Variants in LMCD1 observed in about 807,000 individuals in gnomAD.
LMCD1 encodes the protein LIM and cysteine rich domains 1.
LMCD1 carries 32 observed loss-of-function variants against 42.7 expected under a neutral mutation model. The ratio of observed to expected loss-of-function variants is 0.75; its 90% CI spans 0.57 to 1.01. The LOEUF (loss-of-function observed/expected upper bound fraction) is 1.01. LMCD1 is among the 50% of genes least tolerant of loss of function. The pLI is 0.00. For synonymous variants in LMCD1, 178 were observed against 184.9 expected (o/e 0.96, Z 0.30); for missense variants, 458 against 483.1 (o/e 0.95, Z 0.49).
chr3:8,561,390 T>C (rs1334855273), intron 4 of LMCD1, among the ~76,000 whole-genome samples: 1 of 152,116 alleles, frequency 6.6e-6, no homozygotes, highest in African/African-American at 2.4e-5. Context: ...AGTTTTTTTT[T>C]TTTTTTTTCC....
At chr3:8,516,736 T>C (rs1159064887) in intron 1 of LMCD1, among the ~76,000 whole-genome samples, 1 of 152,226 alleles carries the variant, frequency 6.6e-6, no homozygotes, top group Non-Finnish European at 1.5e-5. Flanking sequence ...TTGGTTGATA[T>C]TTTTAAAATC....
At chr3:8,526,124 A>G (rs907090951) in intron 1 of LMCD1, among the ~76,000 whole-genome samples, 4 of 152,162 alleles carry the variant, frequency 2.6e-5, no homozygotes, top group African/African-American at 7.2e-5. Context: ...TACTTAATTT[A>G]AGGAGCACTC....
chr3:8,566,996 C>G (rs1222387361), intron 5 of LMCD1, among the ~76,000 whole-genome samples: 1 of 152,228 alleles, frequency 6.6e-6, no homozygotes, highest in Non-Finnish European at 1.5e-5. Flanking sequence ...TCTGCACTTC[C>G]TGAGCCTCAG....
intron 4 of LMCD1, among the ~76,000 whole-genome samples, chr3:8,551,530 G>A (rs549324837): frequency 5.8e-4 from 89 of 152,316 alleles, no homozygotes; most frequent in African/African-American, 2.1e-3. Flanking sequence ...GGCAGAACCT[G>A]GATCCAATAC....
rs866466800 is a variant in LMCD1 at position 8,502,346 on chromosome 3, A to T, written c.42+366A>T. Reference sequence around the variant, plus strand: ...TTATATATAATATATATTATATATAAAATATATAATATATATTATATAAAA... The same window carrying T: ...TTATATATAATATATATTATATATATAATATATAATATATATTATATAAAA... On this transcript the variant is annotated intron_variant, in intron 1 of 5. Coordinates refer to ENST00000157600, the MANE Select transcript of LMCD1 (RefSeq NM_014583.4). Among the ~76,000 whole-genome samples, 285 of 74,960 alleles carry T rather than the reference A, an allele frequency of 3.8e-3. 16 individuals are homozygous for T. Among genetic ancestry groups the T allele is most frequent in the African/African-American group, 0.016 (268 of 17,208 alleles). 49.2% of individuals were successfully genotyped at this position (74,960 alleles called of 152,430 possible).
At chr3:8,540,998 T>C (rs1694615686) in intron 3 of LMCD1, among the ~76,000 whole-genome samples, 1 of 152,172 alleles carries the variant, frequency 6.6e-6, no homozygotes, top group African/African-American at 2.4e-5. Flanking sequence ...GTCACCACTA[T>C]GGACTGGGGT....
rs749336186 is a variant in LMCD1, at chr3:8,537,449, G to T, written c.387+9G>T. On this transcript the variant is annotated intron_variant, in intron 3 of 5. Transcript: ENST00000157600. ...GAGTCACCCAGAAACTGGTAAGAGAGCTTCCCCAACCAAGCAGTTGTTTTC... is the reference window on the plus strand; with the variant it reads ...GAGTCACCCAGAAACTGGTAAGAGATCTTCCCCAACCAAGCAGTTGTTTTC... 6.4e-7 allele frequency: 1 copy of T among 1,553,924 alleles called. No individual in the cohort carries two copies. Among genetic ancestry groups the T allele is most frequent in the South Asian group, 1.2e-5 (1 of 81,268 alleles).
rs1253900738 is a variant in LMCD1 at position 8,571,852 on chromosome 3, T to C, written c.*4254T>C. ...GAGAACAAAGAGCTATTAGAGGGTG[T>C]TGCTGACACAATGCTTTATCACTCT... On this transcript the variant is annotated 3_prime_UTR_variant, in exon 6 of 6. Transcript: ENST00000157600. 1 of 152,266 alleles carries C rather than the reference T, an allele frequency of 6.6e-6. No homozygotes were observed. The highest frequency in any genetic ancestry group is 6.5e-5 in the Admixed American group (1 of 15,286). 9.4% of individuals were successfully genotyped at this position (152,266 alleles called of 1,614,324 possible).
chr3:8,521,845 C>T (rs777893868), intron 1 of LMCD1, among the ~76,000 whole-genome samples: 10 of 152,092 alleles, frequency 6.6e-5, no homozygotes, highest in South Asian at 2.1e-4. Flanking sequence ...TGATTGCAAT[C>T]ATAGATTCTT....
chr3:8,544,640 A>G (rs2125029570), intron 3 of LMCD1, among the ~76,000 whole-genome samples: 1 of 152,254 alleles, frequency 6.6e-6, no homozygotes, highest in East Asian at 1.9e-4. Flanking sequence ...CAACAACCCT[A>G]GCTTCCTCAC....
chr3:8,529,520 T>C (rs969427912), intron 1 of LMCD1, among the ~76,000 whole-genome samples: 5 of 152,158 alleles, frequency 3.3e-5, no homozygotes, highest in African/African-American at 2.4e-5. Context: ...TTTGTGCTTG[T>C]TGAGATTTTA....
intron 1 of LMCD1, among the ~76,000 whole-genome samples, chr3:8,531,236 C>G (rs1380535617): frequency 6.6e-6 from 1 of 152,200 alleles, no homozygotes; most frequent in Non-Finnish European, 1.5e-5. Context: ...GCATACCCTA[C>G]TCATCATGCC....
rs1695177261 is a variant in LMCD1, at chr3:8,569,281, T to A, written c.*1683T>A. ...AAGCCCTTCCCTTTGCTTTTGCTAG[T>A]TGAAGACTGGCTACCTGAAGACCAA... On this transcript the variant is annotated 3_prime_UTR_variant, in exon 6 of 6. Transcript: ENST00000157600. 1 of 152,264 alleles carries A rather than the reference T, an allele frequency of 6.6e-6. No individual in the cohort carries two copies. The highest frequency in any genetic ancestry group is 2.1e-4 in the South Asian group (1 of 4,832). 9.4% of individuals were successfully genotyped at this position (152,264 alleles called of 1,614,324 possible). A position where few individuals can be genotyped will look rare whatever the true frequency, so the allele number is the denominator to read the frequency against.
intron 4 of LMCD1, chr3:8,549,922 T>C: frequency 1.2e-6 from 1 of 829,364 alleles, no homozygotes; most frequent in Non-Finnish European, 2.0e-6. Context: ...AAGCCATAAG[T>C]GGATTAATCC....
intron 1 of LMCD1, among the ~76,000 whole-genome samples, chr3:8,531,841 C>A (rs1004172207): frequency 6.6e-6 from 1 of 152,158 alleles, no homozygotes; most frequent in Non-Finnish European, 1.5e-5. Context: ...GTTGATTGAG[C>A]CCTGCTTCAG....
chr3:8,532,180 C>T (rs1469448196), intron 1 of LMCD1, among the ~76,000 whole-genome samples: 1 of 152,222 alleles, frequency 6.6e-6, no homozygotes, highest in Admixed American at 6.5e-5. Flanking sequence ...CTGTCTCATG[C>T]ATTGTTCTCC....
chr3:8,526,696 C>T (rs943774072), intron 1 of LMCD1, among the ~76,000 whole-genome samples: 2 of 152,216 alleles, frequency 1.3e-5, no homozygotes, highest in African/African-American at 4.8e-5. Context: ...TGCTGCTGTG[C>T]TGCTGCTTAG....
chr3:8,521,579 G>C, intron 1 of LMCD1, among the ~76,000 whole-genome samples: 1 of 152,178 alleles, frequency 6.6e-6, no homozygotes, highest in Middle Eastern at 3.2e-3. Flanking sequence ...GCTGTTCCAA[G>C]AGTTGCAAAC....
At position 8,554,595 on chromosome 3, in the gene LMCD1, G is replaced by A. The variant is rs1396764869; in HGVS notation, c.723+5692G>A. 5.3e-5 allele frequency among the ~76,000 whole-genome samples: 8 copies of A among 152,070 alleles called. No individual in the cohort carries two copies. The South Asian group carries it at 6.2e-4, about 12-fold the overall frequency. On this transcript the variant is annotated intron_variant, in intron 4 of 5. Coordinates refer to ENST00000157600, the MANE Select transcript of LMCD1 (RefSeq NM_014583.4). ...AGATCTCCGTGGCCAGGGAGCTGCC[G>A]ACTCCAGCAACCTGGACCCATTCAC...
Sources: gnomAD v4.1 joint callset for allele counts (sites outside exome capture counted in the v4.1 genomes callset) on GRCh38, gnomAD v4.1.1 for gene constraint, MANE v1.5 for transcripts, NCBI Gene and HGNC (gene_info 2026-07-23, HGNC 2026-07-21) for gene names.